CHRM3: variants seen among roughly 807,000 people sequenced by gnomAD.
The protein encoded by CHRM3 is cholinergic receptor muscarinic 3, also known as muscarinic acetylcholine receptor M3.
In CHRM3, 11 loss-of-function variants were observed where a neutral mutation model predicts 41.8. The observed-to-expected ratio is 0.26, with a 90% CI of 0.17 to 0.44. CHRM3 has a LOEUF of 0.44. Among genes scored for constraint, CHRM3 ranks in the 20% least tolerant of loss-of-function variants. The pLI is 1.00. For synonymous variants in CHRM3, 297 were observed against 301.4 expected (o/e 0.99, Z 0.15); for missense variants, 571 against 745.4 (o/e 0.77, Z 2.72).
At chr1:239,601,868 C>T (rs373142683) in intron 3 of CHRM3, among the ~76,000 whole-genome samples, 9 of 151,522 alleles carry the variant, frequency 5.9e-5, no homozygotes, top group South Asian at 4.2e-4. Flanking sequence ...AACTGTTTTC[C>T]GCCACAATAG....
intron 5 of CHRM3, among the ~76,000 whole-genome samples, chr1:239,813,645 C>T (rs993732800): frequency 5.9e-5 from 9 of 151,606 alleles, no homozygotes; most frequent in South Asian, 4.2e-4. Context: ...TGGCCGGGCG[C>T]GGTGGCTCAC....
At chr1:239,542,443 A>G (rs1354003397) in intron 2 of CHRM3, among the ~76,000 whole-genome samples, 2 of 152,164 alleles carry the variant, frequency 1.3e-5, no homozygotes, top group Non-Finnish European at 2.9e-5. Flanking sequence ...CAGCTGTAAT[A>G]ATTTTGGTTG....
At chr1:239,482,890 G>C (rs529422038) in intron 1 of CHRM3, among the ~76,000 whole-genome samples, 2 of 152,072 alleles carry the variant, frequency 1.3e-5, no homozygotes, top group African/African-American at 2.4e-5. Context: ...TAAATGCCTC[G>C]GAAATTTTGA....
intron 5 of CHRM3, among the ~76,000 whole-genome samples, chr1:239,731,106 T>C (rs1458992209): frequency 6.6e-6 from 1 of 151,820 alleles, no homozygotes; most frequent in African/African-American, 2.4e-5. Context: ...AAGAAGACAA[T>C]TGGGGAAGAA....
intron 3 of CHRM3, among the ~76,000 whole-genome samples, chr1:239,571,869 C>T (rs1420834603): frequency 6.6e-6 from 1 of 152,072 alleles, no homozygotes; most frequent in Non-Finnish European, 1.5e-5. Context: ...CTTTTTTCCC[C>T]CTAGAGTTCA....
rs11333335 is a variant in CHRM3 at position 239,426,468 on chromosome 1, CAAA to C, written c.-521+39256_-521+39258del. 2.6e-3 allele frequency among the ~76,000 whole-genome samples: 273 copies of C among 103,336 alleles called. 1 individual carries two copies. The highest frequency in any genetic ancestry group is 8.1e-3 in the African/African-American group (245 of 30,098). 67.8% of individuals were successfully genotyped at this position (103,336 alleles called of 152,430 possible). A position where few individuals can be genotyped will look rare whatever the true frequency, so the allele number is the denominator to read the frequency against. On this transcript the variant is annotated intron_variant, in intron 1 of 6. Transcript: ENST00000676153. ...ACGCCATTGCTTCGAACTCACCCCG[CAAA>C]AAAAAAAAAAAAAAGAAAGAAAAAA...
At chr1:239,414,758 A>G (rs1389395735) in intron 1 of CHRM3, among the ~76,000 whole-genome samples, 1 of 152,236 alleles carries the variant, frequency 6.6e-6, no homozygotes, top group Non-Finnish European at 1.5e-5. Context: ...GGCCTTAAGG[A>G]ACACGTGGTG....
At chr1:239,746,364 G>A (rs1451858467) in intron 5 of CHRM3, among the ~76,000 whole-genome samples, 1 of 152,168 alleles carries the variant, frequency 6.6e-6, no homozygotes, top group Non-Finnish European at 1.5e-5. Context: ...TGTGATACAG[G>A]TGTAATGTGA....
chr1:239,693,893 A>T (rs530062385), intron 5 of CHRM3, among the ~76,000 whole-genome samples: 1 of 152,298 alleles, frequency 6.6e-6, no homozygotes, highest in African/African-American at 2.4e-5. Context: ...TTCATACCTG[A>T]TAGGGCTTAT....
At chr1:239,495,518 C>T (rs1038745890) in intron 2 of CHRM3, among the ~76,000 whole-genome samples, 21 of 152,178 alleles carry the variant, frequency 1.4e-4, no homozygotes, top group African/African-American at 5.1e-4. Flanking sequence ...CAGACCTATA[C>T]TGCAGTGGGA....
chr1:239,641,842 T>C (rs1198356520), intron 4 of CHRM3, among the ~76,000 whole-genome samples: 1 of 128,012 alleles, frequency 7.8e-6, no homozygotes, highest in African/African-American at 3.1e-5. Flanking sequence ...CGTTAGTTGA[T>C]GCAGTTTCTT....
intron 5 of CHRM3, among the ~76,000 whole-genome samples, chr1:239,764,838 C>A (rs1404710339): frequency 6.6e-6 from 1 of 152,206 alleles, no homozygotes; most frequent in African/African-American, 2.4e-5. Flanking sequence ...CACATAGTTA[C>A]TATTCAAGAG....
chr1:239,635,877 C>T (rs1194623638), intron 4 of CHRM3, among the ~76,000 whole-genome samples: 3 of 152,138 alleles, frequency 2.0e-5, no homozygotes, highest in African/African-American at 4.8e-5. Flanking sequence ...AAATGCCCTA[C>T]GTTAAATATC....
chr1:239,448,380 A>C (rs1416469519), intron 1 of CHRM3, among the ~76,000 whole-genome samples: 2 of 152,194 alleles, frequency 1.3e-5, no homozygotes, highest in Non-Finnish European at 2.9e-5. Flanking sequence ...AAATGATTAT[A>C]TATAAAGTAG....
intron 2 of CHRM3, among the ~76,000 whole-genome samples, chr1:239,532,012 T>TA (rs1238236809): frequency 1.2e-5 from 1 of 83,148 alleles, no homozygotes; most frequent in Non-Finnish European, 2.9e-5. Flanking sequence ...CTTCTTTCTT[T>TA]TTTTTTTTTT....
chr1:239,411,821 A>AT (rs1443518677), intron 1 of CHRM3, among the ~76,000 whole-genome samples: 1 of 151,096 alleles, frequency 6.6e-6, no homozygotes, highest in African/African-American at 2.4e-5. Context: ...AAGTAACGTA[A>AT]TTCTCAAGGC....
At chr1:239,489,930 A>G (rs1282052052) in intron 1 of CHRM3, among the ~76,000 whole-genome samples, 1 of 152,188 alleles carries the variant, frequency 6.6e-6, no homozygotes, top group Non-Finnish European at 1.5e-5. Context: ...CCCATGCAGT[A>G]GAGGGTAGTG....
chr1:239,650,562 T>C (rs1672141825), intron 4 of CHRM3, among the ~76,000 whole-genome samples: 1 of 152,174 alleles, frequency 6.6e-6, no homozygotes, highest in Non-Finnish European at 1.5e-5. Context: ...TGATGTGTGA[T>C]TTGGAGACAA....
chr1:239,667,530 A>G (rs1003951920), intron 4 of CHRM3, among the ~76,000 whole-genome samples: 23 of 152,164 alleles, frequency 1.5e-4, no homozygotes, highest in African/African-American at 5.5e-4. Flanking sequence ...ACTGAGGGTC[A>G]CCACTTTTGG....
Sources: allele counts gnomAD v4.1 joint callset (sites outside exome capture counted in the v4.1 genomes callset), GRCh38; gene constraint gnomAD v4.1.1; transcripts MANE v1.5; gene names NCBI Gene and HGNC (gene_info 2026-07-23, HGNC 2026-07-21).